The following STARD13 variants were observed in gnomAD, a reference collection of about 807,000 sequenced individuals.
STARD13 encodes StAR related lipid transfer domain containing 13.
STARD13 carries 62 observed loss-of-function variants against 106.4 expected under a neutral mutation model. That is an observed-to-expected ratio of 0.58 (90% CI 0.48 to 0.72). The LOEUF (loss-of-function observed/expected upper bound fraction) is 0.72. STARD13 is among the 30% of genes least tolerant of loss of function. The probability of loss-of-function intolerance (pLI) is 0.00; values close to 1 mark genes in which losing one functional copy is unlikely to be tolerated. For missense variants in STARD13, 1,387 were observed against 1,424.0 expected, an observed-to-expected ratio of 0.97 and a Z score of 0.42; for synonymous variants, 565 against 553.0, an observed-to-expected ratio of 1.02 and a Z score of -0.31.
At chr13:33,517,626 A>G in the STARD13 span, among the ~76,000 whole-genome samples, 2 of 152,134 alleles carry the variant, frequency 1.3e-5, no homozygotes, top group Admixed American at 1.3e-4. Flanking sequence ...ATGTGGAGTT[A>G]ATTAAAAGGG....
At chr13:33,655,793 T>C in the STARD13 span, among the ~76,000 whole-genome samples, 5 of 152,310 alleles carry the variant, frequency 3.3e-5, no homozygotes, top group East Asian at 7.7e-4. Flanking sequence ...GAGCACAGGA[T>C]AGCAACAGCT....
chr13:33,513,533 T>C, the STARD13 span, among the ~76,000 whole-genome samples: 64 of 152,318 alleles, frequency 4.2e-4, no homozygotes, highest in African/African-American at 1.5e-3. Flanking sequence ...TATTTCCCTC[T>C]TGAAGTTTTC....
At chr13:33,485,563 T>C in the STARD13 span, among the ~76,000 whole-genome samples, 1 of 152,156 alleles carries the variant, frequency 6.6e-6, no homozygotes, top group African/African-American at 2.4e-5. Flanking sequence ...ATGAAGATAT[T>C]GTGGAAATGG....
At chr13:33,132,153 C>T (rs139243490) in intron 4 of STARD13, among the ~76,000 whole-genome samples, 2,077 of 152,174 alleles carry the variant, frequency 0.014, 69 homozygotes, top group African/African-American at 0.022. Context: ...AAAGTGAAAG[C>T]GAGTACAAAG....
chr13:33,134,153 T>C (rs975867642), intron 4 of STARD13, among the ~76,000 whole-genome samples: 2 of 152,138 alleles, frequency 1.3e-5, no homozygotes, highest in Non-Finnish European at 2.9e-5. Flanking sequence ...TTGTGGACAA[T>C]ATGGCTCACT....
intron 1 of STARD13, among the ~76,000 whole-genome samples, chr13:33,187,104 C>T (rs1358708694): frequency 6.6e-6 from 1 of 152,176 alleles, no homozygotes; most frequent in African/African-American, 2.4e-5. Context: ...ACCTGACCCC[C>T]AAGGAATCAT....
the STARD13 span, among the ~76,000 whole-genome samples, chr13:33,649,926 G>C: frequency 6.6e-6 from 1 of 152,002 alleles, no homozygotes; most frequent in African/African-American, 2.4e-5. Context: ...TTTGTCTAAG[G>C]TTTTATTCTT....
the STARD13 span, chr13:33,383,767 A>T: frequency 6.6e-6 from 1 of 151,296 alleles, no homozygotes; most frequent in Non-Finnish European, 1.5e-5. Flanking sequence ...AAAAAAAAAA[A>T]AAAAAAAAAA....
chr13:33,499,529 T>TTCTTCTTCC, the STARD13 span, among the ~76,000 whole-genome samples: 4 of 51,512 alleles, frequency 7.8e-5, no homozygotes, highest in African/African-American at 2.7e-4. Context: ...TTTCTTCTTC[T>TTCTTCTTCC]TCTTCTTCTT....
intron 1 of STARD13, chr13:33,205,789 G>A (rs1022393320): frequency 5.4e-6 from 5 of 924,208 alleles, no homozygotes; most frequent in South Asian, 1.0e-4. Context: ...CCACCACCAC[G>A]ACCTCTTTTT....
rs1275193444 is a variant in STARD13, at chr13:33,103,763, A to G, written c.*1830T>C. The stretch of plus-strand genomic sequence containing the variant: ...AGGATCCCATCTCAGGAGCAGGACC[A>G]GTGTTTAGCTAGATTAAACTTCACT... On this transcript the variant is annotated 3_prime_UTR_variant, in exon 14 of 14. Coordinates refer to ENST00000336934, the MANE Select transcript of STARD13 (RefSeq NM_178006.4). The G allele has an allele frequency of 6.6e-6, 1 of 152,292 alleles. No individual in the cohort carries two copies. The highest frequency in any genetic ancestry group is 1.5e-5 in the Non-Finnish European group (1 of 68,034). 9.4% of individuals were successfully genotyped at this position (152,292 alleles called of 1,614,324 possible).
chr13:33,345,268 G>T (rs2078005829), downstream of STARD13, among the ~76,000 whole-genome samples: 1 of 152,202 alleles, frequency 6.6e-6, no homozygotes, highest in Admixed American at 6.5e-5. Flanking sequence ...ATGATTAGGG[G>T]ACAAGCTACT....
At chr13:33,636,723 CACA>C in the STARD13 span, among the ~76,000 whole-genome samples, 1 of 152,134 alleles carries the variant, frequency 6.6e-6, no homozygotes, top group African/African-American at 2.4e-5. Context: ...AAAAATGAGT[CACA>C]ACAAGAAAGC....
chr13:33,228,801 G>C (rs1888755653), intron 1 of STARD13, among the ~76,000 whole-genome samples: 1 of 152,118 alleles, frequency 6.6e-6, no homozygotes, highest in Admixed American at 6.6e-5. Flanking sequence ...TAACCAAAAA[G>C]GCCAGAATTA....
the STARD13 span, among the ~76,000 whole-genome samples, chr13:33,491,643 G>T: frequency 1.3e-5 from 2 of 152,036 alleles, no homozygotes; most frequent in African/African-American, 4.8e-5. Flanking sequence ...ATAAAAAAAT[G>T]GTTTATAAAC....
At chr13:33,441,508 C>T in the STARD13 span, among the ~76,000 whole-genome samples, 1 of 152,182 alleles carries the variant, frequency 6.6e-6, no homozygotes, top group Non-Finnish European at 1.5e-5. Context: ...ATTTCCTCAT[C>T]AGTAAAATGG....
chr13:33,462,321 G>C, the STARD13 span, among the ~76,000 whole-genome samples: 1 of 152,140 alleles, frequency 6.6e-6, no homozygotes, highest in East Asian at 1.9e-4. Flanking sequence ...TTTACTTTCT[G>C]TACCATTCAC....
chr13:33,116,064 C>T (rs1161805733), intron 8 of STARD13, among the ~76,000 whole-genome samples: 8 of 152,194 alleles, frequency 5.3e-5, no homozygotes, highest in Admixed American at 6.5e-5. Context: ...CAACACCCGA[C>T]GGTTCCCCAA....
At chr13:33,396,211 G>C in the STARD13 span, among the ~76,000 whole-genome samples, 1 of 151,976 alleles carries the variant, frequency 6.6e-6, no homozygotes, top group Non-Finnish European at 1.5e-5. Context: ...GACCAGGTTG[G>C]TTTTGAACTC....
Sources: allele counts gnomAD v4.1 joint callset (sites outside exome capture counted in the v4.1 genomes callset), GRCh38; gene constraint gnomAD v4.1.1; transcripts MANE v1.5; gene names NCBI Gene and HGNC (gene_info 2026-07-23, HGNC 2026-07-21).